The following B3GLCT variants were observed in gnomAD, a reference collection of about 807,000 sequenced individuals.
The protein encoded by B3GLCT is beta-1,3-glucosyltransferase.
In B3GLCT, 65 loss-of-function variants were observed where a neutral mutation model predicts 63.4. The observed-to-expected ratio is 1.03, with a 90% CI of 0.84 to 1.26. B3GLCT has a LOEUF of 1.26. Among genes scored for constraint, B3GLCT ranks in the 50% most tolerant of loss-of-function variants. The probability of loss-of-function intolerance (pLI) is 0.00; values close to 1 mark genes in which losing one functional copy is unlikely to be tolerated. For missense variants in B3GLCT, 577 were observed against 604.8 expected (o/e 0.95, Z 0.48); for synonymous variants, 233 against 219.2 (o/e 1.06, Z -0.55).
intron 12 of B3GLCT, among the ~76,000 whole-genome samples, chr13:31,300,371 G>C (rs1288937924): frequency 6.6e-6 from 1 of 152,156 alleles, no homozygotes; most frequent in Non-Finnish European, 1.5e-5. Flanking sequence ...GTAATTGCCC[G>C]ATGTGTTCTT....
chr13:31,254,222 A>T (rs1871598744), intron 6 of B3GLCT, among the ~76,000 whole-genome samples: 1 of 152,182 alleles, frequency 6.6e-6, no homozygotes, highest in African/African-American at 2.4e-5. Flanking sequence ...GAGACACAAC[A>T]ATAAAAAGAG....
intron 1 of B3GLCT, 101 bp downstream of exon 1, chr13:31,200,255 C>G: frequency 1.6e-6 from 1 of 635,766 alleles, no homozygotes; most frequent in Admixed American, 6.0e-5. Flanking sequence ...CAGGGCGGCC[C>G]AGCCCTGCCC....
chr13:31,263,351 AG>A (rs1394238046), intron 7 of B3GLCT, among the ~76,000 whole-genome samples: 1 of 152,234 alleles, frequency 6.6e-6, no homozygotes. Context: ...TGTCTGAACC[AG>A]GTGCAGGTTG....
At chr13:31,216,358 G>C (rs866019719) in intron 2 of B3GLCT, among the ~76,000 whole-genome samples, 28 of 152,300 alleles carry the variant, frequency 1.8e-4, no homozygotes, top group African/African-American at 6.3e-4. Flanking sequence ...GGGAAGTTAT[G>C]TGATTTGACC....
At chr13:31,201,237 A>G (rs533219460) in intron 1 of B3GLCT, among the ~76,000 whole-genome samples, 1 of 152,296 alleles carries the variant, frequency 6.6e-6, no homozygotes, top group East Asian at 1.9e-4. Flanking sequence ...TTGTTAGCCC[A>G]CCGGAACCTT....
At chr13:31,319,259 C>A (rs1366864691) in intron 13 of B3GLCT, among the ~76,000 whole-genome samples, 1 of 152,180 alleles carries the variant, frequency 6.6e-6, no homozygotes, top group Non-Finnish European at 1.5e-5. Context: ...GGGTACTTCC[C>A]ACCACCTCTA....
intron 14 of B3GLCT, among the ~76,000 whole-genome samples, chr13:31,326,621 G>A (rs1292230989): frequency 2.6e-5 from 4 of 151,938 alleles, no homozygotes; most frequent in Non-Finnish European, 5.9e-5. Flanking sequence ...CTCTCTTCCT[G>A]TATGCAGATG....
chr13:31,257,671 A>G (rs1237947351), intron 6 of B3GLCT, among the ~76,000 whole-genome samples: 2 of 151,934 alleles, frequency 1.3e-5, no homozygotes, highest in African/African-American at 4.8e-5. Context: ...GTACTCATGT[A>G]TGGTGTCTTC....
chr13:31,229,185 A>G lies in B3GLCT; in HGVS notation c.161A>G (p.Asp54Gly). 6.4e-7 allele frequency: 1 copy of G among 1,569,894 alleles called. No individual in the cohort carries two copies. The highest frequency in any genetic ancestry group is 8.8e-7 in the Non-Finnish European group (1 of 1,140,258). ...KSGISRKNDIDLKGIVFVIQS... is the reference protein window; with the variant it reads ...KSGISRKNDIGLKGIVFVIQS... ...TGAAAACTATTTTTTTTTGTTCTAG[A>G]CTTAAAAGGAATTGTATTCGTCATC... The change falls in exon 4 of 15, where the codon GAC becomes GGC. Residue 54 changes from aspartate to glycine, a missense_variant and splice_region_variant. Asp to Gly is a moderately conservative substitution (Grantham distance 94, BLOSUM62 -1). Coordinates refer to ENST00000343307, the MANE Select transcript of B3GLCT (RefSeq NM_194318.4).
chr13:31,258,016 C>G (rs1014834206), intron 6 of B3GLCT, among the ~76,000 whole-genome samples: 3 of 152,052 alleles, frequency 2.0e-5, no homozygotes, highest in Admixed American at 1.3e-4. Flanking sequence ...TAACAAGTGC[C>G]GTGGAGAAGA....
chr13:31,216,239 A>G lies in B3GLCT; in HGVS notation c.120+1139A>G, dbSNP rs1869556141. On this transcript the variant is annotated intron_variant, in intron 2 of 14. Transcript: ENST00000343307. Reference sequence around the variant, plus strand: ...AATACTAATTTCTTACGATTTTAGGACCTTTTATGATTAATAAAGCATTTC... The same window carrying G: ...AATACTAATTTCTTACGATTTTAGGGCCTTTTATGATTAATAAAGCATTTC... Among the ~76,000 whole-genome samples the G allele has an allele frequency of 2.0e-5, 3 of 152,282 alleles. No homozygotes were observed. The South Asian group carries it at 6.2e-4, about 32-fold the overall frequency.
chr13:31,284,729 C>T lies in B3GLCT; in HGVS notation c.932C>T (p.Thr311Ile), dbSNP rs201027107. Residue 311 changes from threonine (T) to isoleucine (I), a missense_variant, in exon 11 of 15, where the codon ACT becomes ATT. Coordinates refer to ENST00000343307, the MANE Select transcript of B3GLCT (RefSeq NM_194318.4). ...GACTATACTGAAAATTCCATTCCTA[C>T]TGTGGATTTGGGAATTCCTAATACA... ...YSDYTENSIP[T>I]VDLGIPNTDR... The T allele has an allele frequency of 1.9e-4, 302 of 1,605,184 alleles. No homozygotes were observed. Among genetic ancestry groups the T allele is most frequent in the Non-Finnish European group, 2.4e-4 (279 of 1,172,004 alleles).
chr13:31,274,153 TA>T (rs1215012699), intron 8 of B3GLCT, among the ~76,000 whole-genome samples: 1 of 152,170 alleles, frequency 6.6e-6, no homozygotes, highest in Non-Finnish European at 1.5e-5. Flanking sequence ...GCAAGTTGAG[TA>T]TTTGGGGTAT....
At chr13:31,276,826 A>T (rs1183858542) in intron 10 of B3GLCT, 55 bp downstream of exon 10, 1 of 1,255,774 alleles carries the variant, frequency 8.0e-7, no homozygotes, top group Non-Finnish European at 1.2e-6. Flanking sequence ...TACCTTCTAA[A>T]GAAAAGTACC....
At chr13:31,222,141 C>T (rs1348820137) in intron 2 of B3GLCT, among the ~76,000 whole-genome samples, 6 of 147,998 alleles carry the variant, frequency 4.1e-5, no homozygotes, top group South Asian at 4.3e-4. Context: ...TGCAGTGACA[C>T]GATCTCAGCT....
intron 7 of B3GLCT, among the ~76,000 whole-genome samples, chr13:31,264,625 G>C (rs1346762232): frequency 6.6e-6 from 1 of 152,142 alleles, no homozygotes; most frequent in Middle Eastern, 3.4e-3. Flanking sequence ...ACTATCTTGT[G>C]GTCAAGATAT....
chr13:31,250,364 G>A (rs896909960), intron 6 of B3GLCT, among the ~76,000 whole-genome samples: 1 of 152,090 alleles, frequency 6.6e-6, no homozygotes, highest in Admixed American at 6.5e-5. Flanking sequence ...AGTAAAGATG[G>A]GATTTTGCCC....
chr13:31,212,937 T>G (rs1271353784), intron 1 of B3GLCT, among the ~76,000 whole-genome samples: 1 of 150,558 alleles, frequency 6.6e-6, no homozygotes, highest in African/African-American at 2.4e-5. Context: ...GCCAAAAAAT[T>G]AAGTACCCAG....
chr13:31,315,806 G>A (rs4375540), intron 12 of B3GLCT, among the ~76,000 whole-genome samples: 142,205 of 152,268 alleles, frequency 0.93, 66,987 homozygotes, highest in East Asian at 1. Flanking sequence ...AGGAGTAAAA[G>A]TGGTTTCGTG....
Sources: allele counts gnomAD v4.1 joint callset (sites outside exome capture counted in the v4.1 genomes callset), GRCh38; gene constraint gnomAD v4.1.1; transcripts MANE v1.5; gene names NCBI Gene and HGNC (gene_info 2026-07-23, HGNC 2026-07-21).